The following CSMD1 variants were observed in gnomAD, a reference collection of about 807,000 sequenced individuals.
CSMD1 encodes CUB and Sushi multiple domains 1, also known as CUB and sushi domain-containing protein 1.
A neutral mutation model predicts 417.5 loss-of-function variants in CSMD1; 213 were observed. The observed-to-expected ratio is 0.51, with a 90% CI of 0.46 to 0.57. CSMD1 has a LOEUF of 0.57. Among genes scored for constraint, CSMD1 ranks in the 20% least tolerant of loss-of-function variants. CSMD1 has a pLI of 0.00. For missense variants in CSMD1, 6,923 were observed against 4,529.7 expected (o/e 1.53, Z -15.17); for synonymous variants, 2,862 against 1,736.8 (o/e 1.65, Z -16.11).
chr8:3,529,187 T>G (rs934549337), intron 10 of CSMD1, among the ~76,000 whole-genome samples: 7 of 152,202 alleles, frequency 4.6e-5, no homozygotes, highest in African/African-American at 1.7e-4. Context: ...TCCTACTGTT[T>G]GAATCAGACT....
chr8:3,090,239 C>T (rs1268141653), intron 48 of CSMD1, among the ~76,000 whole-genome samples: 1 of 143,798 alleles, frequency 7.0e-6, no homozygotes, highest in East Asian at 2.2e-4. Flanking sequence ...ATGGCCTGAA[C>T]CCGGGAGGCG....
intron 3 of CSMD1, among the ~76,000 whole-genome samples, chr8:4,373,726 C>T (rs1802542370): frequency 6.6e-6 from 1 of 152,216 alleles, no homozygotes; most frequent in African/African-American, 2.4e-5. Flanking sequence ...ATCTTTCCCT[C>T]CGGGGAAGGA....
At position 4,099,613 on chromosome 8, in the gene CSMD1, T is replaced by TA. The variant is rs1223194493; in HGVS notation, c.416-67515dup. On this transcript the variant is annotated intron_variant, in intron 3 of 69. Coordinates refer to ENST00000635120, the MANE Select transcript of CSMD1 (RefSeq NM_033225.6). Reference sequence around the variant, plus strand: ...CTGTTCTTCAAAACCATCCCCCAATTAAAAAAAAAAAACCTCACTTTCTTG... The same window carrying TA: ...CTGTTCTTCAAAACCATCCCCCAATTAAAAAAAAAAAAACCTCACTTTCTTG... 8.6e-3 allele frequency among the ~76,000 whole-genome samples: 1,236 copies of TA among 142,994 alleles called. 10 individuals carry two copies. Among genetic ancestry groups the TA allele is most frequent in the African/African-American group, 0.025 (986 of 39,330 alleles). 93.8% of individuals were successfully genotyped at this position (142,994 alleles called of 152,430 possible).
chr8:3,658,020 T>C (rs1255205416), intron 7 of CSMD1, among the ~76,000 whole-genome samples: 1 of 152,152 alleles, frequency 6.6e-6, no homozygotes, highest in African/African-American at 2.4e-5. Flanking sequence ...GAAGGAAAAC[T>C]GGATTTCTCG....
chr8:3,835,585 T>C (rs1392285756), intron 5 of CSMD1, among the ~76,000 whole-genome samples: 6 of 151,988 alleles, frequency 3.9e-5, no homozygotes, highest in South Asian at 2.1e-4. Context: ...CGGGGAGGGA[T>C]AGCATTAGGA....
At chr8:3,984,525 C>T (rs377570925) in intron 5 of CSMD1, among the ~76,000 whole-genome samples, 1 of 151,520 alleles carries the variant, frequency 6.6e-6, no homozygotes, top group Non-Finnish European at 1.5e-5. Flanking sequence ...AATAAGTACA[C>T]TATTTTGATT....
At chr8:3,775,253 T>C (rs948269176) in intron 5 of CSMD1, among the ~76,000 whole-genome samples, 1 of 152,182 alleles carries the variant, frequency 6.6e-6, no homozygotes, top group African/African-American at 2.4e-5. Context: ...AATTGTATGT[T>C]AAACATTGGA....
intron 2 of CSMD1, among the ~76,000 whole-genome samples, chr8:4,570,737 C>T (rs1044478705): frequency 2.0e-5 from 3 of 152,126 alleles, no homozygotes; most frequent in African/African-American, 7.2e-5. Flanking sequence ...CCTCTTTGCA[C>T]CTCTTGTAGA....
chr8:4,231,869 A>G (rs746045179), intron 3 of CSMD1, among the ~76,000 whole-genome samples: 1 of 152,226 alleles, frequency 6.6e-6, no homozygotes, highest in Admixed American at 6.5e-5. Flanking sequence ...AGGATCAAAC[A>G]CATCAACTCC....
At chr8:3,181,478 G>T (rs1225228064) in intron 36 of CSMD1, among the ~76,000 whole-genome samples, 1 of 152,180 alleles carries the variant, frequency 6.6e-6, no homozygotes, top group East Asian at 1.9e-4. Context: ...GTAGCATGAG[G>T]TTTTTTTGCA....
chr8:3,823,592 C>A (rs1009155537), intron 5 of CSMD1, among the ~76,000 whole-genome samples: 2 of 151,984 alleles, frequency 1.3e-5, no homozygotes, highest in African/African-American at 4.8e-5. Flanking sequence ...CATGTTTGAA[C>A]CATTCAACTT....
At chr8:4,566,515 T>C (rs1165697251) in intron 2 of CSMD1, among the ~76,000 whole-genome samples, 3 of 151,094 alleles carry the variant, frequency 2.0e-5, no homozygotes, top group Non-Finnish European at 3.0e-5. Flanking sequence ...TAGCCGGGCG[T>C]GGTGGCGGGC....
intron 1 of CSMD1, chr8:4,788,474 C>G: frequency 1.5e-6 from 2 of 1,319,950 alleles, no homozygotes; most frequent in Non-Finnish European, 2.2e-6. Flanking sequence ...ATTTACTGCT[C>G]AGATATTTGG....
At chr8:4,750,418 G>C (rs1053559176) in intron 1 of CSMD1, among the ~76,000 whole-genome samples, 2 of 152,128 alleles carry the variant, frequency 1.3e-5, no homozygotes, top group African/African-American at 4.8e-5. Context: ...ATAAATATGT[G>C]TTGCAATTAA....
chr8:4,809,894 C>G (rs151095320), intron 1 of CSMD1, among the ~76,000 whole-genome samples: 82 of 152,318 alleles, frequency 5.4e-4, no homozygotes, highest in African/African-American at 1.8e-3. Flanking sequence ...CAGTGCCATT[C>G]AAATCCAAGT....
chr8:3,014,524 G>C (rs1808674182), intron 52 of CSMD1, among the ~76,000 whole-genome samples: 1 of 152,036 alleles, frequency 6.6e-6, no homozygotes, highest in South Asian at 2.1e-4. Context: ...GTGATTTTTA[G>C]TCCCCTCAGC....
At chr8:4,846,092 A>G (rs969140152) in intron 1 of CSMD1, among the ~76,000 whole-genome samples, 1 of 152,214 alleles carries the variant, frequency 6.6e-6, no homozygotes, top group African/African-American at 2.4e-5. Context: ...AAACAGTTGC[A>G]GGAGTTAGAA....
In CSMD1 at chr8:3,367,134, G is replaced by T. The variant is rs1396592969; in HGVS notation, c.3013C>A (p.Pro1005Thr). The T allele has an allele frequency of 1.2e-6, 2 of 1,613,746 alleles. No individual in the cohort carries two copies. Among genetic ancestry groups the T allele is most frequent in the Non-Finnish European group, 1.7e-6 (2 of 1,179,802 alleles). ...AACAGGCCTGCCTTGATCGTATGAG[G>T]CAACACCGACCCGGTGAGCCTGGCA... ...PVARLTGSVL[P>T]HTIKAGLFGN... Residue 1005 changes from proline to threonine, a missense_variant, in exon 20 of 70, where the codon CCT becomes ACT. By Grantham distance (38) the Pro-to-Thr change is conservative. Transcript: ENST00000635120.
At chr8:3,948,920 A>G (rs2129850731) in intron 5 of CSMD1, among the ~76,000 whole-genome samples, 1 of 152,306 alleles carries the variant, frequency 6.6e-6, no homozygotes, top group South Asian at 2.1e-4. Context: ...TGACTGGTAC[A>G]AAAAGCATTA....
Sources: allele counts gnomAD v4.1 joint callset (sites outside exome capture counted in the v4.1 genomes callset), GRCh38; gene constraint gnomAD v4.1.1; transcripts MANE v1.5; gene names NCBI Gene and HGNC (gene_info 2026-07-23, HGNC 2026-07-21).